CPO: variants seen among roughly 807,000 people sequenced by gnomAD.
The protein encoded by CPO is metallocarboxypeptidase C.
A neutral mutation model predicts 41.2 loss-of-function variants in CPO; 43 were observed. The ratio of observed to expected loss-of-function variants is 1.04; its 90% confidence interval spans 0.82 to 1.35. The LOEUF is 1.35. Among genes scored for constraint, CPO ranks in the 40% most tolerant of loss-of-function variants. CPO has a pLI of 0.00. For missense variants in CPO, 408 were observed against 451.7 expected, an observed-to-expected ratio of 0.90 and a Z score of 0.88; for synonymous variants, 178 against 162.7, an observed-to-expected ratio of 1.09 and a Z score of -0.72.
intron 7 of CPO, among the ~76,000 whole-genome samples, chr2:206,967,203 C>G (rs370825912): frequency 6.6e-6 from 1 of 151,960 alleles, no homozygotes; most frequent in African/African-American, 2.4e-5. Flanking sequence ...AGGCGACATG[C>G]AACAGAAGGT....
chr2:206,968,339 A>G lies in CPO; in HGVS notation c.854A>G (p.Asp285Gly). 6.3e-7 allele frequency: 1 copy of G among 1,597,238 alleles called. No homozygotes were observed. The highest frequency in any genetic ancestry group is 8.6e-7 in the Non-Finnish European group (1 of 1,164,830). The change falls in exon 8 of 9, where the codon GAT (aspartate) becomes GGT (glycine). Residue 285 changes from aspartate (D) to glycine (G), a missense_variant. Transcript: ENST00000272852. Reference sequence around the variant, plus strand: ...AATTATAGAGTTGGATCGAGTGCAGATATTTTATGTAAGTATCTTTTTTTG... The same window carrying G: ...AATTATAGAGTTGGATCGAGTGCAGGTATTTTATGTAAGTATCTTTTTTTG... ...GTNYRVGSSA[D>G]ILYASSGSSR...
intron 7 of CPO, among the ~76,000 whole-genome samples, chr2:206,963,550 A>G (rs1693518840): frequency 6.6e-6 from 1 of 152,170 alleles, no homozygotes; most frequent in Non-Finnish European, 1.5e-5. Context: ...GTCTGTTTCT[A>G]TGAATCTGAC....
intron 4 of CPO, 73 bp downstream of exon 4, chr2:206,958,478 A>C: frequency 3.9e-6 from 3 of 761,452 alleles, no homozygotes; most frequent in Non-Finnish European, 6.6e-6. Flanking sequence ...GCTGCTTACA[A>C]ACCACGCTTC....
intron 3 of CPO, among the ~76,000 whole-genome samples, chr2:206,957,325 G>A (rs925531220): frequency 6.6e-6 from 1 of 150,838 alleles, no homozygotes; most frequent in African/African-American, 2.4e-5. Context: ...GCAGTGAGCC[G>A]AGATCATGCC....
chr2:206,948,846 A>G (rs1202432461), intron 1 of CPO, among the ~76,000 whole-genome samples: 6 of 152,182 alleles, frequency 3.9e-5, no homozygotes, highest in Non-Finnish European at 7.3e-5. Flanking sequence ...CAATGTATGA[A>G]GAGTGAGCCC....
intron 2 of CPO, among the ~76,000 whole-genome samples, chr2:206,954,031 G>A (rs1488280645): frequency 6.6e-6 from 1 of 152,136 alleles, no homozygotes; most frequent in African/African-American, 2.4e-5. Context: ...CAGAACAAGG[G>A]GGCCCTGAAT....
chr2:206,951,138 A>G (rs1207553603), intron 2 of CPO, among the ~76,000 whole-genome samples: 1 of 152,214 alleles, frequency 6.6e-6, no homozygotes, highest in Non-Finnish European at 1.5e-5. Flanking sequence ...TTAAGTATAA[A>G]TAGACAAGAC....
At chr2:206,949,540 C>G (rs974984107) in intron 1 of CPO, 77 bp from the exon 2 acceptor site, 4 of 1,040,416 alleles carry the variant, frequency 3.8e-6, no homozygotes, top group African/African-American at 1.6e-5. Context: ...ATTCTACTAC[C>G]TTTTTCAACA....
chr2:206,951,090 A>G (rs112585455), intron 2 of CPO, among the ~76,000 whole-genome samples: 9,526 of 142,864 alleles, frequency 0.067, 336 homozygotes, highest in African/African-American at 0.076. Context: ...TAAAAAAAAA[A>G]GGGGTGGAAC....
chr2:206,969,409 G>T lies in CPO; in HGVS notation c.1098G>T (p.Leu366=). ...RVTSATMLLG[L]LVSCMSLL ...CATCTGCCACTATGCTGCTGGGCCTGCTGGTGTCCTGCATGTCTCTTCTCT... is the reference window on the plus strand; with the variant it reads ...CATCTGCCACTATGCTGCTGGGCCTTCTGGTGTCCTGCATGTCTCTTCTCT... The change falls in exon 9 of 9, where the codon CTG becomes CTT. Residue 366 remains leucine (L), a synonymous_variant. Coordinates refer to ENST00000272852, the MANE Select transcript of CPO (RefSeq NM_173077.3). The T allele has an allele frequency of 6.2e-7, 1 of 1,614,044 alleles. No homozygotes were observed. Among genetic ancestry groups the T allele is most frequent in the South Asian group, 1.1e-5 (1 of 91,068 alleles).
At chr2:206,958,049 C>T (rs1249517832) in intron 3 of CPO, among the ~76,000 whole-genome samples, 1 of 152,086 alleles carries the variant, frequency 6.6e-6, no homozygotes, top group African/African-American at 2.4e-5. Context: ...GAAGATCATT[C>T]TTTGGGTGGG....
chr2:206,943,588 T>C (rs1207021210), intron 1 of CPO, among the ~76,000 whole-genome samples: 2 of 132,336 alleles, frequency 1.5e-5, no homozygotes, highest in Admixed American at 1.5e-4. Context: ...GTTAAGCCTA[T>C]GTAACAAAGT....
At position 206,962,475 on chromosome 2, in the gene CPO, C is replaced by T; in HGVS notation, c.638C>T (p.Pro213Leu). Residue 213 changes from proline (P) to leucine (L), a missense_variant, in exon 7 of 9, where the codon CCA (proline) becomes CTA (leucine). Coordinates refer to ENST00000272852, the MANE Select transcript of CPO (RefSeq NM_173077.3). ...TFCGTGPVSE[P>L]ETKAVASFIE... ...TGTGGGACAGGGCCAGTGTCTGAAC[C>T]AGAGACTAAAGCTGTTGCCAGCTTC... 6.2e-7 allele frequency: 1 copy of T among 1,614,160 alleles called. No homozygotes were observed. Among genetic ancestry groups the T allele is most frequent in the Non-Finnish European group, 8.5e-7 (1 of 1,180,006 alleles).
chr2:206,955,382 A>C (rs1328749722), intron 2 of CPO, 81 bp from the exon 3 acceptor site: 11 of 829,232 alleles, frequency 1.3e-5, no homozygotes, highest in Non-Finnish European at 2.4e-5. Context: ...TCAATGTGTC[A>C]GTGAAAGAAG....
chr2:206,968,174 G>T, intron 7 of CPO, 89 bp from the exon 8 acceptor site: 1 of 893,710 alleles, frequency 1.1e-6, no homozygotes, highest in East Asian at 2.5e-5. Flanking sequence ...CTAAAACTCT[G>T]GAGATGAATC....
intron 1 of CPO, among the ~76,000 whole-genome samples, chr2:206,943,865 G>A (rs747906127): frequency 1.3e-5 from 2 of 152,034 alleles, no homozygotes; most frequent in African/African-American, 2.4e-5. Flanking sequence ...TAAAATATTG[G>A]TTGTTATTAT....
chr2:206,958,211 C>G, intron 3 of CPO, 90 bp from the exon 4 acceptor site: 1 of 674,250 alleles, frequency 1.5e-6, no homozygotes, highest in Admixed American at 2.7e-5. Flanking sequence ...AAAAAGGAAC[C>G]TCTAGGGGAA....
chr2:206,968,361 T>C lies in CPO; in HGVS notation c.862+14T>C, dbSNP rs1387399084. 2 of 1,506,000 alleles carry C rather than the reference T, an allele frequency of 1.3e-6. No individual in the cohort carries two copies. Among genetic ancestry groups the C allele is most frequent in the South Asian group, 1.1e-5 (1 of 88,616 alleles). 93.3% of individuals were successfully genotyped at this position (1,506,000 alleles called of 1,614,324 possible). A position where few individuals can be genotyped will look rare whatever the true frequency, so the allele number is the denominator to read the frequency against. On this transcript the variant is annotated intron_variant, in intron 8 of 8. Transcript: ENST00000272852. ...CAGATATTTTATGTAAGTATCTTTT[T>C]TTGCCTCTTCAATAGTATCTAAGGC...
At chr2:206,940,357 C>G (rs1203767097) in intron 1 of CPO, among the ~76,000 whole-genome samples, 1 of 152,090 alleles carries the variant, frequency 6.6e-6, no homozygotes, top group Non-Finnish European at 1.5e-5. Context: ...TCTTGCTACA[C>G]ATTGCCCAAT....
Sources: allele counts gnomAD v4.1 joint callset (sites outside exome capture counted in the v4.1 genomes callset), GRCh38; gene constraint gnomAD v4.1.1; transcripts MANE v1.5; gene names NCBI Gene and HGNC (gene_info 2026-07-23, HGNC 2026-07-21).